The following DIDO1 variants were observed in gnomAD, a reference collection of about 807,000 sequenced individuals.
DIDO1 encodes death-inducer obliterator 1.
DIDO1 carries 16 observed loss-of-function variants against 99.4 expected under a neutral mutation model. That is an observed-to-expected ratio of 0.16 (90% CI 0.11 to 0.24). The LOEUF (loss-of-function observed/expected upper bound fraction) is 0.24, where lower values mean the gene tolerates loss of function less well. DIDO1 is among the 10% of genes least tolerant of loss of function. DIDO1 has a pLI of 1.00. For synonymous variants in DIDO1, 1,366 were observed against 1,239.1 expected, an observed-to-expected ratio of 1.10 and a Z score of -2.15; for missense variants, 2,996 against 3,014.0, an observed-to-expected ratio of 0.99 and a Z score of 0.14.
intron 1 of DIDO1, among the ~76,000 whole-genome samples, chr20:62,934,803 A>G (rs2147615279): frequency 6.6e-6 from 1 of 152,288 alleles, no homozygotes; most frequent in South Asian, 2.1e-4. Context: ...AACTGCTAAC[A>G]TAGCTTCTCG....
rs2064203223 is a variant in DIDO1, at chr20:62,881,405, C to T, written c.4551G>A (p.Ser1517=). 2 of 1,605,808 alleles carry T rather than the reference C, an allele frequency of 1.2e-6. No homozygotes were observed. Among genetic ancestry groups the T allele is most frequent in the Non-Finnish European group, 1.7e-6 (2 of 1,179,486 alleles). The change falls in exon 16 of 16, where the codon TCG becomes TCA. Residue 1517 remains serine (S), a synonymous_variant. Transcript: ENST00000395343. The surrounding 1 kb of genome is among the most constrained non-coding windows in gnomAD (Gnocchi z 8.3). ...VGVSMAHFSV[S]DALMSPPPKS... ...TTGGTGGTGGAGACATCAAGGCGTCCGACACCGAGAAGTGGGCCATGGAGA... is the reference window on the plus strand; with the variant it reads ...TTGGTGGTGGAGACATCAAGGCGTCTGACACCGAGAAGTGGGCCATGGAGA...
chr20:62,932,183 T>C (rs902934261), intron 1 of DIDO1, among the ~76,000 whole-genome samples: 4 of 152,164 alleles, frequency 2.6e-5, no homozygotes, highest in African/African-American at 9.7e-5. Context: ...TTCATTCCAA[T>C]AGGAAAGTAT....
chr20:62,920,293 T>C (rs1214883130), intron 1 of DIDO1, among the ~76,000 whole-genome samples: 1 of 152,094 alleles, frequency 6.6e-6, no homozygotes, highest in Admixed American at 6.5e-5. Flanking sequence ...AAATCACTGT[T>C]CCTTTATGTT....
At chr20:62,937,740 T>C in intron 1 of DIDO1, 1 of 396,840 alleles carries the variant, frequency 2.5e-6, no homozygotes, top group Non-Finnish European at 4.4e-6. Context: ...ACCCGGCGCC[T>C]TTCCCCCGCC....
At chr20:62,884,012 G>T (rs763048722) in intron 15 of DIDO1, among the ~76,000 whole-genome samples, 4 of 152,046 alleles carry the variant, frequency 2.6e-5, no homozygotes, top group Non-Finnish European at 4.4e-5. Context: ...TTGGAAAAAA[G>T]ATAAAATAAA....
upstream of DIDO1, among the ~76,000 whole-genome samples, chr20:62,926,690 A>T (rs1196903868): frequency 6.6e-6 from 1 of 152,192 alleles, no homozygotes; most frequent in Non-Finnish European, 1.5e-5. Flanking sequence ...ACTTGCTTGC[A>T]TCCTTTGTGG....
At position 62,907,298 on chromosome 20, in the gene DIDO1, G is replaced by C; in HGVS notation, c.1223C>G (p.Pro408Arg). 1 of 1,614,240 alleles carries C rather than the reference G, an allele frequency of 6.2e-7. No individual in the cohort carries two copies. The highest frequency in any genetic ancestry group is 1.6e-4 in the Middle Eastern group (1 of 6,062). ...GTCATTACTGCAGTACACCGAGTCG[G>C]GCTGCGCCACGTGACAGCACCCGGG... ...IGPGCCHVAQ[P>R]DSVYCSNDCI... The change falls in exon 5 of 16, where the codon CCC (proline) becomes CGC (arginine). Residue 408 changes from proline (P) to arginine (R), a missense_variant. Around this residue, in one of 5 missense-constraint regions of DIDO1, gnomAD observed 898 missense variants for 972.7 expected, o/e 0.92. Transcript: ENST00000395343.
intron 15 of DIDO1, chr20:62,889,783 G>A: frequency 1.0e-6 from 1 of 985,424 alleles, no homozygotes. Flanking sequence ...ACACACTAAA[G>A]CACTTTGCTT....
chr20:62,879,242 C>T lies in DIDO1; in HGVS notation c.6714G>A (p.Ser2238=), dbSNP rs771923789. The T allele has an allele frequency of 7.9e-6, 12 of 1,526,958 alleles. No individual in the cohort carries two copies. Among genetic ancestry groups the T allele is most frequent in the South Asian group, 5.0e-5 (4 of 79,598 alleles). 94.6% of individuals were successfully genotyped at this position (1,526,958 alleles called of 1,614,324 possible). Residue 2238 remains serine, a synonymous_variant, in exon 16 of 16, where the codon TCG becomes TCA. Transcript: ENST00000395343. The surrounding 1 kb of genome is among the most constrained non-coding windows in gnomAD (Gnocchi z 6.3). The part of the protein sequence containing the change: ...ASRASDAGTA[S]QA ...TGCCCGGCCGGGGCGTCTAGGCCTG[C>T]GAGGCGGTGCCAGCGTCGGAGGCCC...
chr20:62,936,204 G>A (rs756875103), intron 1 of DIDO1, among the ~76,000 whole-genome samples: 4 of 152,006 alleles, frequency 2.6e-5, no homozygotes, highest in Non-Finnish European at 4.4e-5. Context: ...CTTGAGCCCA[G>A]GAGATCGAGA....
In DIDO1 at chr20:62,909,401, C is replaced by T. The variant is rs144899905; in HGVS notation, c.1161+298G>A. Among the ~76,000 whole-genome samples the T allele has an allele frequency of 7.4e-4, 113 of 152,340 alleles. 1 individual carries two copies. Among genetic ancestry groups the T allele is most frequent in the African/African-American group, 2.6e-3 (106 of 41,568 alleles). ...GAGACAGCAGGTGACACAGGAGCAC[C>T]GCCACTCCCATCGTTCAGAAACAAT... On this transcript the variant is annotated intron_variant, in intron 4 of 15. Coordinates refer to ENST00000395343, the MANE Select transcript of DIDO1 (RefSeq NM_001193369.2).
Position 62,880,530 on chromosome 20 carries a change from G to A in DIDO1, c.5426C>T (p.Ser1809Phe), listed in dbSNP as rs765407744. 6.2e-7 allele frequency: 1 copy of A among 1,613,000 alleles called. No homozygotes were observed. Among genetic ancestry groups the A allele is most frequent in the Non-Finnish European group, 8.5e-7 (1 of 1,179,972 alleles). The change falls in exon 16 of 16, where the codon TCC becomes TTC. Residue 1809 changes from serine (S) to phenylalanine (F), a missense_variant. By Grantham distance (155) the Ser-to-Phe change is radical. Around this residue, in one of 5 missense-constraint regions of DIDO1, gnomAD observed 1,562 missense variants for 1,412.6 expected, o/e 1.11. Coordinates refer to ENST00000395343, the MANE Select transcript of DIDO1 (RefSeq NM_001193369.2). ...RFGAQKGPIPSLFSGQHGPPP... is the reference protein window; with the variant it reads ...RFGAQKGPIPFLFSGQHGPPP... ...TGGCCCATGTTGCCCCGAGAATAAG[G>A]AAGGGATGGGCCCCTTCTGGGCTCC...
chr20:62,914,674 C>G (rs929915989), intron 1 of DIDO1, among the ~76,000 whole-genome samples: 2 of 152,232 alleles, frequency 1.3e-5, no homozygotes, highest in Admixed American at 6.5e-5. Context: ...GGGAGGCAGG[C>G]AGAGGCCCAG....
chr20:62,888,407 G>A, intron 15 of DIDO1: 3 of 985,504 alleles, frequency 3.0e-6, no homozygotes, highest in Non-Finnish European at 3.6e-6. Flanking sequence ...GTCTCCTTCA[G>A]GCCTGTGCTG....
Position 62,880,045 on chromosome 20 carries a change from T to C in DIDO1, c.5911A>G (p.Arg1971Gly). ...GTGAATCTTGGTGGTGAATGGACCC[T>C]CTGGTCTTCGAACTGCTGAGGCTGA... is the stretch of plus-strand genomic sequence containing the variant. ...GIQPQQFEDQ[R>G]VHSPPRFTNQ... is the part of the protein sequence containing the mutation. Residue 1971 changes from arginine (R) to glycine (G), a missense_variant, in exon 16 of 16, where the codon AGG becomes GGG. Arg to Gly is a moderately radical substitution (Grantham distance 125). Transcript: ENST00000395343. The C allele has an allele frequency of 6.2e-7, 1 of 1,611,314 alleles. No individual in the cohort carries two copies. Among genetic ancestry groups the C allele is most frequent in the Non-Finnish European group, 8.5e-7 (1 of 1,179,992 alleles).
chr20:62,902,471 TAA>T (rs1436816657), intron 6 of DIDO1, among the ~76,000 whole-genome samples: 1 of 152,080 alleles, frequency 6.6e-6, no homozygotes, highest in South Asian at 2.1e-4. Flanking sequence ...AGGAGACAGA[TAA>T]AAAAAGAGCT....
Position 62,881,349 on chromosome 20 carries a change from T to C in DIDO1, c.4607A>G (p.Gln1536Arg). ...KSSLPKAELF[Q>R]QEQQSADKPA... Reference sequence around the variant, plus strand: ...CTTGTCTGCAGACTGCTGCTCTTGCTGGAACAGCTCTGCCTTGGGCAAGGA... The same window carrying C: ...CTTGTCTGCAGACTGCTGCTCTTGCCGGAACAGCTCTGCCTTGGGCAAGGA... The change falls in exon 16 of 16, where the codon CAG becomes CGG. Residue 1536 changes from glutamine to arginine, a missense_variant. Gln to Arg is a conservative substitution (Grantham distance 43, BLOSUM62 1). This residue lies in a region of DIDO1 where 1,562 missense variants were observed against 1,412.6 expected (regional missense o/e 1.11). Coordinates refer to ENST00000395343, the MANE Select transcript of DIDO1 (RefSeq NM_001193369.2). This position sits in a 1 kb window ranked among gnomAD's most constrained non-coding sequence, Gnocchi z 8.3. 1 of 1,605,666 alleles carries C rather than the reference T, an allele frequency of 6.2e-7. No individual in the cohort carries two copies. Among genetic ancestry groups the C allele is most frequent in the Non-Finnish European group, 8.5e-7 (1 of 1,179,920 alleles).
chr20:62,888,875 A>G (rs1489440760), intron 15 of DIDO1: 9 of 985,448 alleles, frequency 9.1e-6, no homozygotes, highest in Non-Finnish European at 1.1e-5. Context: ...ACATCAGGAG[A>G]AGTTAACATT....
At chr20:62,925,296 C>G (rs914798330) in intron 1 of DIDO1, among the ~76,000 whole-genome samples, 1 of 152,150 alleles carries the variant, frequency 6.6e-6, no homozygotes, top group Non-Finnish European at 1.5e-5. Flanking sequence ...GCAATGAATG[C>G]TCATTTAAAA....
Sources: gnomAD v4.1 joint callset for allele counts (sites outside exome capture counted in the v4.1 genomes callset) on GRCh38, gnomAD v4.1.1 for gene constraint, gnomAD v4.1.1 regional missense constraint, Gnocchi (gnomAD v3.1) non-coding constraint, MANE v1.5 for transcripts, NCBI Gene and HGNC (gene_info 2026-07-23, HGNC 2026-07-21) for gene names.